The following ERC1 variants were observed in gnomAD, a reference collection of about 807,000 sequenced individuals.
ERC1 encodes the protein ELKS/RAB6-interacting/CAST family member 1.
A neutral mutation model predicts 132.0 loss-of-function variants in ERC1; 56 were observed. That is an observed-to-expected ratio of 0.42 (90% confidence interval 0.34 to 0.53). The LOEUF (loss-of-function observed/expected upper bound fraction) is 0.53, where lower values mean the gene tolerates loss of function less well. Ranked by LOEUF, ERC1 falls within the 20% of genes least tolerant of loss-of-function variation. The pLI, the probability that ERC1 is intolerant of heterozygous loss-of-function variation, is 0.03. For synonymous variants in ERC1, 478 were observed against 476.1 expected, an observed-to-expected ratio of 1.00 and a Z score of -0.05; for missense variants, 1,202 against 1,349.9, an observed-to-expected ratio of 0.89 and a Z score of 1.72.
intron 8 of ERC1, among the ~76,000 whole-genome samples, chr12:1,165,467 G>A (rs1009265816): frequency 6.6e-6 from 1 of 151,864 alleles, no homozygotes; most frequent in African/African-American, 2.4e-5. Flanking sequence ...CACCATGCCC[G>A]GCGAATTTTT....
rs568331669 is a variant in ERC1 at position 1,286,440 on chromosome 12, A to C, written c.2620-3412A>C. Among the ~76,000 whole-genome samples the C allele has an allele frequency of 4.6e-5, 7 of 152,286 alleles. No individual in the cohort carries two copies. The South Asian group carries it at 1.4e-3, about 32-fold the overall frequency. ...AAAATTCTTAACTACCTAGCAATACAAGGGAATTTCCTTAACTTAATAAAG... is the reference window on the plus strand; with the variant it reads ...AAAATTCTTAACTACCTAGCAATACCAGGGAATTTCCTTAACTTAATAAAG... On this transcript the variant is annotated intron_variant, in intron 14 of 18. Coordinates refer to ENST00000360905, the MANE Select transcript of ERC1 (RefSeq NM_178040.4).
intron 15 of ERC1, among the ~76,000 whole-genome samples, chr12:1,311,071 A>C (rs1475824279): frequency 6.6e-6 from 1 of 152,238 alleles, no homozygotes; most frequent in Non-Finnish European, 1.5e-5. Flanking sequence ...TGAGAATATC[A>C]CCTTAACAAA....
chr12:1,135,976 G>T (rs1036738435), intron 7 of ERC1, among the ~76,000 whole-genome samples: 2 of 152,144 alleles, frequency 1.3e-5, no homozygotes, highest in Admixed American at 6.5e-5. Context: ...AGCATTTCAG[G>T]TATTATCAGG....
chr12:1,472,635 G>A (rs530575161), intron 18 of ERC1, among the ~76,000 whole-genome samples: 3 of 146,598 alleles, frequency 2.0e-5, no homozygotes, highest in Admixed American at 6.7e-5. Flanking sequence ...GGGCAACAGA[G>A]TGTAACCCTG....
At chr12:1,243,080 G>A (rs907065679) in intron 13 of ERC1, among the ~76,000 whole-genome samples, 1 of 151,502 alleles carries the variant, frequency 6.6e-6, no homozygotes, top group Admixed American at 6.6e-5. Context: ...CCAGCTACTC[G>A]GGAGGCTGAG....
At chr12:1,125,548 G>A (rs1238652370) in intron 7 of ERC1, among the ~76,000 whole-genome samples, 3 of 152,138 alleles carry the variant, frequency 2.0e-5, no homozygotes, top group Non-Finnish European at 4.4e-5. Flanking sequence ...GGGCACGGTG[G>A]CTCACGCCTA....
intron 16 of ERC1, among the ~76,000 whole-genome samples, chr12:1,402,615 A>ACAC (rs1566780385): frequency 1.4e-5 from 1 of 72,106 alleles, no homozygotes; most frequent in African/African-American, 1.1e-4. Flanking sequence ...GTAACCCCCA[A>ACAC]CACACACACA....
chr12:1,070,351 A>T (rs567322352), intron 2 of ERC1, among the ~76,000 whole-genome samples: 2 of 149,762 alleles, frequency 1.3e-5, no homozygotes, highest in South Asian at 4.2e-4. Flanking sequence ...CCCAGGCTGG[A>T]GTATAGTGGC....
At chr12:1,254,113 G>C (rs2076639880) in intron 13 of ERC1, among the ~76,000 whole-genome samples, 1 of 152,180 alleles carries the variant, frequency 6.6e-6, no homozygotes, top group Admixed American at 6.5e-5. Context: ...GTTTTGGTGA[G>C]TGCAAATGTG....
intron 9 of ERC1, among the ~76,000 whole-genome samples, chr12:1,181,658 C>T (rs537423978): frequency 6.6e-6 from 1 of 151,702 alleles, no homozygotes; most frequent in African/African-American, 2.4e-5. Context: ...ATTAGCCAGG[C>T]GTGGTGGCAT....
intron 8 of ERC1, among the ~76,000 whole-genome samples, chr12:1,148,423 T>C (rs1165385636): frequency 2.0e-5 from 3 of 152,108 alleles, no homozygotes; most frequent in African/African-American, 7.2e-5. Flanking sequence ...ATTTTTTCTT[T>C]GTCCTTCCTC....
At position 1,347,764 on chromosome 12, in the gene ERC1, C is replaced by T. The variant is rs138338038; in HGVS notation, c.2781-24069C>T. ...TTGGGAGACCGAGACGGGCAGATCA[C>T]CTGAGGTCAGGAGTTTAAGACCAGC... On this transcript the variant is annotated intron_variant, in intron 15 of 18. Coordinates refer to ENST00000360905, the MANE Select transcript of ERC1 (RefSeq NM_178040.4). 1.0e-3 allele frequency among the ~76,000 whole-genome samples: 155 copies of T among 152,270 alleles called. 2 individuals carry two copies. The East Asian group carries it at 0.028, about 27-fold the overall frequency.
At chr12:1,184,404 A>G (rs1053523215) in intron 11 of ERC1, among the ~76,000 whole-genome samples, 2 of 151,932 alleles carry the variant, frequency 1.3e-5, no homozygotes, top group Non-Finnish European at 2.9e-5. Flanking sequence ...ATTAGGGTCT[A>G]TTTTTTGGTT....
In ERC1 at chr12:1,400,914, G is replaced by GTTTTTTTTTTTTTTTTTTTTTTTTTTTTT. The variant is rs1566774897; in HGVS notation, c.2926-7234_2926-7233insTTTTTTTTTTTTTTTTTTTTTTTTTTTTT. Reference sequence around the variant, plus strand: ...ATTCAATATTGTTTTGGCTATTTTTGTATTTTTTTTTTTTTTTTTTTTTTT... The same window carrying GTTTTTTTTTTTTTTTTTTTTTTTTTTTTT: ...ATTCAATATTGTTTTGGCTATTTTTGTTTTTTTTTTTTTTTTTTTTTTTTTTTTTTATTTTTTTTTTTTTTTTTTTTTTT... On this transcript the variant is annotated intron_variant, in intron 16 of 18. Coordinates refer to ENST00000360905, the MANE Select transcript of ERC1 (RefSeq NM_178040.4). Among the ~76,000 whole-genome samples the GTTTTTTTTTTTTTTTTTTTTTTTTTTTTT allele has an allele frequency of 2.7e-4, 3 of 11,130 alleles. 1 individual carries two copies. Among genetic ancestry groups the GTTTTTTTTTTTTTTTTTTTTTTTTTTTTT allele is most frequent in the South Asian group, 7.1e-3 (2 of 280 alleles). The allele number at this position is 11,130 out of a possible 152,430, so 7.3% of individuals were successfully genotyped here.
chr12:1,352,705 G>C (rs1056085136), intron 15 of ERC1, among the ~76,000 whole-genome samples: 2 of 150,696 alleles, frequency 1.3e-5, no homozygotes, highest in African/African-American at 5.0e-5. Flanking sequence ...TGCACATAGT[G>C]GTCGCAGACA....
At chr12:1,121,795 A>G (rs201290261) in intron 7 of ERC1, among the ~76,000 whole-genome samples, 7 of 8,984 alleles carry the variant, frequency 7.8e-4, no homozygotes, top group Admixed American at 2.6e-3. Flanking sequence ...CTCTATCTCT[A>G]TCTCTATCTC....
At chr12:1,472,111 G>T (rs2093874473) in intron 18 of ERC1, among the ~76,000 whole-genome samples, 1 of 152,136 alleles carries the variant, frequency 6.6e-6, no homozygotes, top group South Asian at 2.1e-4. Flanking sequence ...TTGTTCCATT[G>T]TTGGGTATTT....
At chr12:1,440,497 C>A (rs144614537) in intron 17 of ERC1, among the ~76,000 whole-genome samples, 5 of 147,664 alleles carry the variant, frequency 3.4e-5, no homozygotes, top group Non-Finnish European at 7.5e-5. Flanking sequence ...TGAGCCACCG[C>A]GCCCGGCCTT....
intron 14 of ERC1, among the ~76,000 whole-genome samples, chr12:1,287,402 C>T (rs796650104): frequency 7.9e-5 from 12 of 152,272 alleles, no homozygotes; most frequent in African/African-American, 2.6e-4. Context: ...CTACGGGGTG[C>T]CCGGATACTT....
Sources: gnomAD v4.1 joint callset for allele counts (sites outside exome capture counted in the v4.1 genomes callset) on GRCh38, gnomAD v4.1.1 for gene constraint, MANE v1.5 for transcripts, NCBI Gene and HGNC (gene_info 2026-07-23, HGNC 2026-07-21) for gene names.